CREB5: variants seen among roughly 807,000 people sequenced by gnomAD.
The protein encoded by CREB5 is cAMP responsive element binding protein 5.
A neutral mutation model predicts 57.1 loss-of-function variants in CREB5; 19 were observed. The ratio of observed to expected loss-of-function variants is 0.33; its 90% CI spans 0.23 to 0.49. The LOEUF is 0.49. Among genes scored for constraint, CREB5 ranks in the 20% least tolerant of loss-of-function variants. The probability of loss-of-function intolerance (pLI) is 0.99; values close to 1 mark genes in which losing one functional copy is unlikely to be tolerated. For synonymous variants in CREB5, 238 were observed against 238.3 expected (o/e 1.00, Z 0.01); for missense variants, 579 against 671.6 (o/e 0.86, Z 1.52).
chr7:28,568,871 T>A lies in CREB5; in HGVS notation c.292-1494T>A, dbSNP rs541442843. Among the ~76,000 whole-genome samples, 4 of 152,342 alleles carry A rather than the reference T, an allele frequency of 2.6e-5. No individual in the cohort carries two copies. In the East Asian group the frequency reaches 7.7e-4, roughly 29 times the overall value. Reference sequence around the variant, plus strand: ...GTTTAACACGTAGTGCAGGAAATCCTTTTCTTTGCCAAAGAACTTCAAAGG... The same window carrying A: ...GTTTAACACGTAGTGCAGGAAATCCATTTCTTTGCCAAAGAACTTCAAAGG... On this transcript the variant is annotated intron_variant, in intron 4 of 10. Transcript: ENST00000357727.
At chr7:28,774,837 G>T (rs1197293936) in intron 7 of CREB5, among the ~76,000 whole-genome samples, 1 of 152,180 alleles carries the variant, frequency 6.6e-6, no homozygotes, top group African/African-American at 2.4e-5. Flanking sequence ...GGTGTAACTA[G>T]CTGGCAGTCC....
At chr7:28,739,474 TAAC>T (rs1025766670) in intron 7 of CREB5, among the ~76,000 whole-genome samples, 2 of 152,206 alleles carry the variant, frequency 1.3e-5, no homozygotes, top group African/African-American at 2.4e-5. Context: ...TGTTTTAAAA[TAAC>T]AAGTTATTTT....
chr7:28,654,851 G>A (rs1799274818), intron 5 of CREB5, among the ~76,000 whole-genome samples: 1 of 152,138 alleles, frequency 6.6e-6, no homozygotes, highest in African/African-American at 2.4e-5. Flanking sequence ...CAAGACCCCC[G>A]TGACCTTTGG....
In CREB5 at chr7:28,421,902, T is replaced by G. The variant is rs188093684; in HGVS notation, c.3+8985T>G. On this transcript the variant is annotated intron_variant, in intron 1 of 10. Coordinates refer to ENST00000357727, the MANE Select transcript of CREB5 (RefSeq NM_182898.4). ...GTATATATATAAAATACCATATATA[T>G]AGAGAGAGTGTGTATGTGTGTGTAT... 9.3e-3 allele frequency among the ~76,000 whole-genome samples: 1,123 copies of G among 120,740 alleles called. 9 individuals carry two copies. The highest frequency in any genetic ancestry group is 0.014 in the Non-Finnish European group (765 of 53,762). The allele number at this position is 120,740 out of a possible 152,430, so 79.2% of individuals were successfully genotyped here.
chr7:28,764,816 C>G (rs1413744363), intron 7 of CREB5, among the ~76,000 whole-genome samples: 1 of 152,186 alleles, frequency 6.6e-6, no homozygotes, highest in Non-Finnish European at 1.5e-5. Context: ...TTCCTGTTTA[C>G]ATGGTTTAAA....
rs114617060 is a variant in CREB5, at chr7:28,621,693, T to C, written c.464+51156T>C. ...GATCTCACTCCCCTGAGTAGCAGAA[T>C]GTGTCTGTGGTGCGCTGTGAAGTCA... On this transcript the variant is annotated intron_variant, in intron 5 of 10. Coordinates refer to ENST00000357727, the MANE Select transcript of CREB5 (RefSeq NM_182898.4). Among the ~76,000 whole-genome samples the C allele has an allele frequency of 5.8e-3, 882 of 152,316 alleles. 7 individuals are homozygous for C. Among genetic ancestry groups the C allele is most frequent in the African/African-American group, 0.02 (847 of 41,562 alleles).
At position 28,821,304 on chromosome 7, in the gene CREB5, A is replaced by T. The variant is rs1034372975; in HGVS notation, c.*2025A>T. The T allele has an allele frequency of 6.6e-6, 1 of 152,154 alleles. No individual in the cohort carries two copies. The highest frequency in any genetic ancestry group is 1.5e-5 in the Non-Finnish European group (1 of 68,022). The allele number at this position is 152,154 out of a possible 1,614,324, so 9.4% of individuals were successfully genotyped here. A position where few individuals can be genotyped will look rare whatever the true frequency, so the allele number is the denominator to read the frequency against. ...GAAAATATGAGGGTCTCGAAGCATGATTTTTATATAACTAGTTTCAGTTTT... is the reference window on the plus strand; with the variant it reads ...GAAAATATGAGGGTCTCGAAGCATGTTTTTTATATAACTAGTTTCAGTTTT... On this transcript the variant is annotated 3_prime_UTR_variant, in exon 11 of 11. Transcript: ENST00000357727.
At chr7:28,779,012 G>T (rs1206571573) in intron 7 of CREB5, 1 of 152,178 alleles carries the variant, frequency 6.6e-6, no homozygotes, top group Non-Finnish European at 1.5e-5. Context: ...ATCTTACAAA[G>T]AGCTTCTGGT....
At chr7:28,558,649 C>T (rs762333886) in intron 4 of CREB5, among the ~76,000 whole-genome samples, 6 of 152,260 alleles carry the variant, frequency 3.9e-5, no homozygotes, top group East Asian at 1.9e-4. Context: ...CCCTCCAGCT[C>T]TTTTGGCCAG....
At chr7:28,561,818 A>G (rs1400320185) in intron 4 of CREB5, among the ~76,000 whole-genome samples, 1 of 152,182 alleles carries the variant, frequency 6.6e-6, no homozygotes, top group Non-Finnish European at 1.5e-5. Context: ...ATCTCAGCTC[A>G]TTGCAACTTC....
intron 4 of CREB5, among the ~76,000 whole-genome samples, chr7:28,560,881 T>TGTGTGTGCGC (rs1554344374): frequency 4.3e-5 from 2 of 46,206 alleles, no homozygotes; most frequent in African/African-American, 2.1e-4. Flanking sequence ...TGCGCGTGCG[T>TGTGTGTGCGC]GCGTGCGTGT....
chr7:28,340,119 G>T (rs1057483542), intron 1 of CREB5, among the ~76,000 whole-genome samples: 4 of 152,260 alleles, frequency 2.6e-5, no homozygotes, highest in South Asian at 4.1e-4. Flanking sequence ...AGCCTGCTTT[G>T]TGCCCTACCC....
chr7:28,782,843 T>C (rs1447033456), intron 7 of CREB5, among the ~76,000 whole-genome samples: 10 of 152,194 alleles, frequency 6.6e-5, no homozygotes, highest in Non-Finnish European at 1.2e-4. Flanking sequence ...CTTTGATAAG[T>C]TGTGCGGGGC....
intron 7 of CREB5, among the ~76,000 whole-genome samples, chr7:28,727,493 G>A (rs370429331): frequency 5.9e-5 from 9 of 152,130 alleles, no homozygotes; most frequent in Non-Finnish European, 8.8e-5. Flanking sequence ...AAACCATCCC[G>A]GGACACATTT....
At chr7:28,348,702 A>G (rs905236734) in intron 1 of CREB5, among the ~76,000 whole-genome samples, 1 of 152,076 alleles carries the variant, frequency 6.6e-6, no homozygotes, top group African/African-American at 2.4e-5. Flanking sequence ...CTTTTTCCTA[A>G]AGGGTTCCCA....
At chr7:28,555,099 A>G (rs12113161) in intron 4 of CREB5, among the ~76,000 whole-genome samples, 4,915 of 45,808 alleles carry the variant, frequency 0.11, 310 homozygotes, top group African/African-American at 0.3. Flanking sequence ...TCATAGATCT[A>G]TAAGCTGCAT....
intron 7 of CREB5, among the ~76,000 whole-genome samples, chr7:28,729,979 C>T (rs1256383288): frequency 6.6e-6 from 1 of 152,200 alleles, no homozygotes; most frequent in Non-Finnish European, 1.5e-5. Context: ...TCCATGACAA[C>T]AGCAGCAACA....
rs187977239 is a variant in CREB5 at position 28,495,085 on chromosome 7, A to G, written c.169+86A>G. Reference sequence around the variant, plus strand: ...GTTCTTCTTTTGGTAGGCGAGTCCCACTGGTAAATTGTGCACCTTGAAAAT... The same window carrying G: ...GTTCTTCTTTTGGTAGGCGAGTCCCGCTGGTAAATTGTGCACCTTGAAAAT... On this transcript the variant is annotated intron_variant, in intron 3 of 10. Coordinates refer to ENST00000357727, the MANE Select transcript of CREB5 (RefSeq NM_182898.4). 8.9e-4 allele frequency: 768 copies of G among 864,154 alleles called. 1 individual carries two copies. Among genetic ancestry groups the G allele is most frequent in the Admixed American group, 2.9e-3 (103 of 35,068 alleles). The allele number at this position is 864,154 out of a possible 1,614,324, so 53.5% of individuals were successfully genotyped here.
At chr7:28,665,913 G>C (rs1266392731) in intron 5 of CREB5, among the ~76,000 whole-genome samples, 2 of 152,038 alleles carry the variant, frequency 1.3e-5, no homozygotes, top group African/African-American at 4.8e-5. Context: ...GAAGAACAAA[G>C]AGTGCTGCCG....
Sources: allele counts gnomAD v4.1 joint callset (sites outside exome capture counted in the v4.1 genomes callset), GRCh38; gene constraint gnomAD v4.1.1; transcripts MANE v1.5; gene names NCBI Gene and HGNC (gene_info 2026-07-23, HGNC 2026-07-21).